Variants in CUX2 observed in about 807,000 individuals in gnomAD.
CUX2 encodes the protein cut like homeobox 2.
In CUX2, 40 loss-of-function variants were observed where a neutral mutation model predicts 144.8. The observed-to-expected ratio is 0.28, with a 90% CI of 0.21 to 0.36. The LOEUF (loss-of-function observed/expected upper bound fraction) is 0.36, where lower values mean the gene tolerates loss of function less well. Among genes scored for constraint, CUX2 ranks in the 10% least tolerant of loss-of-function variants. CUX2 has a pLI of 1.00. For missense variants in CUX2, 1,615 were observed against 1,994.0 expected, an observed-to-expected ratio of 0.81 and a Z score of 3.62; for synonymous variants, 827 against 875.6, an observed-to-expected ratio of 0.94 and a Z score of 0.98.
At chr12:111,234,173 TC>T (rs1389360316) in intron 3 of CUX2, among the ~76,000 whole-genome samples, 3 of 152,158 alleles carry the variant, frequency 2.0e-5, no homozygotes, top group African/African-American at 7.2e-5. Flanking sequence ...CCCTGTGGAC[TC>T]CCTCACAGAT....
At chr12:111,227,133 C>T (rs1882192216) in intron 3 of CUX2, among the ~76,000 whole-genome samples, 1 of 152,182 alleles carries the variant, frequency 6.6e-6, no homozygotes, top group Non-Finnish European at 1.5e-5. Context: ...TTGTTGAGCA[C>T]CTACTAGGTG....
In CUX2 at chr12:111,304,294, T is replaced by C; in HGVS notation, c.838T>C (p.Ser280Pro). The change falls in exon 10 of 22, where the codon TCT (serine) becomes CCT (proline). Residue 280 changes from serine to proline, a missense_variant. Ser to Pro is a moderately conservative substitution (Grantham distance 74). Coordinates refer to ENST00000261726, the MANE Select transcript of CUX2 (RefSeq NM_015267.4). This position sits in a 1 kb window ranked among gnomAD's most constrained non-coding sequence, Gnocchi z 4.7. ...CAGCTCCATCCGCCTGGCTTGCTGCTCTCCCCAGGGGCCCAGTGGGGTAAG... is the reference window on the plus strand; with the variant it reads ...CAGCTCCATCCGCCTGGCTTGCTGCCCTCCCCAGGGGCCCAGTGGGGTAAG... ...VNSSIRLACC[S>P]PQGPSGDKVN... 6.2e-7 allele frequency: 1 copy of C among 1,613,570 alleles called. No individual in the cohort carries two copies. Among genetic ancestry groups the C allele is most frequent in the East Asian group, 2.2e-5 (1 of 44,838 alleles).
At position 111,295,321 on chromosome 12, in the gene CUX2, G is replaced by A. The variant is rs201262962; in HGVS notation, c.561-12G>A. On this transcript the variant is annotated splice_polypyrimidine_tract_variant and intron_variant, in intron 6 of 21. Transcript: ENST00000261726. This position sits in a 1 kb window ranked among gnomAD's most constrained non-coding sequence, Gnocchi z 5.0. The stretch of plus-strand genomic sequence containing the variant: ...CCTGCAGCCAGCACAAGCAGGCCTC[G>A]TCTCTCCGCAGGGGCCTTCAAGAAG... 25 of 1,610,884 alleles carry A rather than the reference G, an allele frequency of 1.6e-5. No homozygotes were observed. In the East Asian group the frequency reaches 1.6e-4, roughly 10 times the overall value.
At chr12:111,317,357 G>A (rs908732268) in intron 16 of CUX2, among the ~76,000 whole-genome samples, 4 of 152,128 alleles carry the variant, frequency 2.6e-5, no homozygotes, top group Non-Finnish European at 4.4e-5. Context: ...CAGGGCTGCC[G>A]CCTGCATGGC....
rs75910959 is a variant in CUX2 at position 111,288,954 on chromosome 12, A to T, written c.302-2464A>T. ...CTCCGGCCTGGGCAACAGCACAAAA[A>T]AAATAAATAAATACAAAAATTACCC... is the stretch of plus-strand genomic sequence containing the variant. On this transcript the variant is annotated intron_variant, in intron 4 of 21. Coordinates refer to ENST00000261726, the MANE Select transcript of CUX2 (RefSeq NM_015267.4). Among the ~76,000 whole-genome samples, 1,369 of 151,558 alleles carry T rather than the reference A, an allele frequency of 9.0e-3. 11 individuals are homozygous for T. The highest frequency in any genetic ancestry group is 0.012 in the Non-Finnish European group (832 of 67,848).
At position 111,186,779 on chromosome 12, in the gene CUX2, T is replaced by C. The variant is rs1879558754; in HGVS notation, c.64-27421T>C. On this transcript the variant is annotated intron_variant, in intron 1 of 21. Coordinates refer to ENST00000261726, the MANE Select transcript of CUX2 (RefSeq NM_015267.4). This position sits in a 1 kb window ranked among gnomAD's most constrained non-coding sequence, Gnocchi z 4.4. Reference sequence around the variant, plus strand: ...GGTATTAAAATCGATATGATGTGTGTATGTTTTTTTTTTTTTTGAGACAGA... The same window carrying C: ...GGTATTAAAATCGATATGATGTGTGCATGTTTTTTTTTTTTTTGAGACAGA... 7.5e-6 allele frequency among the ~76,000 whole-genome samples: 1 copy of C among 133,964 alleles called. No individual in the cohort carries two copies. The highest frequency in any genetic ancestry group is 1.5e-5 in the Non-Finnish European group (1 of 65,668). The allele number at this position is 133,964 out of a possible 152,430, so 87.9% of individuals were successfully genotyped here.
intron 1 of CUX2, among the ~76,000 whole-genome samples, chr12:111,083,159 C>T (rs867213637): frequency 3.3e-5 from 5 of 152,020 alleles, no homozygotes; most frequent in Non-Finnish European, 7.4e-5. Flanking sequence ...TTGGGGGTCA[C>T]GAGCGACCTC....
intron 18 of CUX2, among the ~76,000 whole-genome samples, chr12:111,326,730 C>A (rs1193291918): frequency 6.6e-6 from 1 of 151,994 alleles, no homozygotes; most frequent in Non-Finnish European, 1.5e-5. Context: ...ATGGAGAAAT[C>A]CCGTCTCTCC....
At chr12:111,258,923 A>C (rs976881614) in intron 3 of CUX2, among the ~76,000 whole-genome samples, 11 of 152,136 alleles carry the variant, frequency 7.2e-5, no homozygotes, top group Admixed American at 4.6e-4. Flanking sequence ...GTGCAGTGAC[A>C]CAAGTGCACT....
rs138402296 is a variant in CUX2 at position 111,074,041 on chromosome 12, T to TAA, written c.63+39811_63+39812dup. Among the ~76,000 whole-genome samples the TAA allele has an allele frequency of 4.6e-3, 673 of 147,668 alleles. 12 individuals are homozygous for TAA. The highest frequency in any genetic ancestry group is 0.016 in the African/African-American group (634 of 40,212). On this transcript the variant is annotated intron_variant, in intron 1 of 21. Coordinates refer to ENST00000261726, the MANE Select transcript of CUX2 (RefSeq NM_015267.4). ...TGCAATGTTTGGGATATACTTATAC[T>TAA]AAAAAAAAAAATCATACATTGTTTA...
At chr12:111,078,513 T>G (rs988009460) in intron 1 of CUX2, among the ~76,000 whole-genome samples, 1 of 151,932 alleles carries the variant, frequency 6.6e-6, no homozygotes, top group South Asian at 2.1e-4. Context: ...ACACAAAAAT[T>G]TAATAAATTA....
chr12:111,229,556 C>T (rs1441301292), intron 3 of CUX2, among the ~76,000 whole-genome samples: 1 of 152,092 alleles, frequency 6.6e-6, no homozygotes, highest in Non-Finnish European at 1.5e-5. Context: ...TAACATCCAC[C>T]TTGTTTATCC....
At chr12:111,196,347 G>A (rs765613984) in intron 1 of CUX2, among the ~76,000 whole-genome samples, 3 of 152,164 alleles carry the variant, frequency 2.0e-5, no homozygotes, top group Non-Finnish European at 4.4e-5. Context: ...ACATGTTTTC[G>A]ATTCTCTTGG....
chr12:111,314,639 TAAA>T (rs954472479), intron 16 of CUX2, among the ~76,000 whole-genome samples: 745 of 23,040 alleles, frequency 0.032, 5 homozygotes, highest in African/African-American at 0.12. Context: ...AAACTCAGTC[TAAA>T]AAAAAAAAAA....
At chr12:111,253,769 G>T (rs1403041883) in intron 3 of CUX2, among the ~76,000 whole-genome samples, 1 of 150,680 alleles carries the variant, frequency 6.6e-6, no homozygotes, top group Non-Finnish European at 1.5e-5. Context: ...TGCTTTGCAT[G>T]TATGATTTTA....
Position 111,128,519 on chromosome 12 carries a change from C to G in CUX2, c.64-85681C>G, listed in dbSNP as rs557797458. Among the ~76,000 whole-genome samples the G allele has an allele frequency of 7.2e-5, 11 of 152,292 alleles. No individual in the cohort carries two copies. The South Asian group carries it at 2.1e-3, about 29-fold the overall frequency. On this transcript the variant is annotated intron_variant, in intron 1 of 21. Coordinates refer to ENST00000261726, the MANE Select transcript of CUX2 (RefSeq NM_015267.4). The stretch of plus-strand genomic sequence containing the variant: ...CTGGTGCCTTCAGGGCCTGCTTGGG[C>G]CCAATCACATATATACCACACCATT...
At chr12:111,298,489 G>A (rs571437106) in intron 8 of CUX2, 52 bp from the exon 9 acceptor site, 2 of 1,541,364 alleles carry the variant, frequency 1.3e-6, no homozygotes, top group African/African-American at 1.4e-5. Context: ...GAGGGGCGGG[G>A]GCCTGGAGCC....
chr12:111,245,252 G>A (rs185002697), intron 3 of CUX2, among the ~76,000 whole-genome samples: 1 of 152,124 alleles, frequency 6.6e-6, no homozygotes, highest in Non-Finnish European at 1.5e-5. Context: ...AATTGGTGGT[G>A]CAGCCAGGCA....
chr12:111,293,134 AAAAAT>A lies in CUX2; in HGVS notation c.437-307_437-303del, dbSNP rs1357420824. 2.6e-5 allele frequency among the ~76,000 whole-genome samples: 4 copies of A among 151,782 alleles called. No homozygotes were observed. The highest frequency in any genetic ancestry group is 5.9e-5 in the Non-Finnish European group (4 of 67,932). The stretch of plus-strand genomic sequence containing the variant: ...ACAGACCAAGACTCCGTCTCAAAAA[AAAAAT>A]AAAAAATAAAAAAAGGTGAATTTTA... On this transcript the variant is annotated intron_variant, in intron 5 of 21. Coordinates refer to ENST00000261726, the MANE Select transcript of CUX2 (RefSeq NM_015267.4). This position sits in a 1 kb window ranked among gnomAD's most constrained non-coding sequence, Gnocchi z 4.5.
Sources: allele counts gnomAD v4.1 joint callset (sites outside exome capture counted in the v4.1 genomes callset), GRCh38; gene constraint gnomAD v4.1.1; non-coding constraint Gnocchi (gnomAD v3.1); transcripts MANE v1.5; gene names NCBI Gene and HGNC (gene_info 2026-07-23, HGNC 2026-07-21).